The following RSPH14 variants were observed in gnomAD, a reference collection of about 807,000 sequenced individuals.
The protein encoded by RSPH14 is rhabdoid tumor deletion region gene 1.
Under a neutral mutation model 26.7 loss-of-function variants are expected in RSPH14, and 20 were observed. That is an observed-to-expected ratio of 0.75 (90% CI 0.53 to 1.09). RSPH14 has a LOEUF of 1.09. Ranked by LOEUF, RSPH14 falls within the 50% of genes least tolerant of loss-of-function variation. The probability of loss-of-function intolerance (pLI) is 0.00; values close to 1 mark genes in which losing one functional copy is unlikely to be tolerated. For missense variants in RSPH14, 449 were observed against 457.2 expected, an observed-to-expected ratio of 0.98 and a Z score of 0.16; for synonymous variants, 177 against 189.3, an observed-to-expected ratio of 0.93 and a Z score of 0.53.
Position 23,140,335 on chromosome 22 carries a change from G to C in RSPH14, c.86C>G (p.Pro29Arg). ...ITTAYGHRAL[P>R]KLKEELQSED... ...TGACTGCAGCTCCTCCTTCAGCTTG[G>C]GCAGGGCCCGATGGCCATAGGCAGT... Residue 29 changes from proline to arginine, a missense_variant, in exon 2 of 7, where the codon CCC (proline) becomes CGC (arginine). Transcript: ENST00000216036. 1 of 1,614,204 alleles carries C rather than the reference G, an allele frequency of 6.2e-7. No homozygotes were observed. The highest frequency in any genetic ancestry group is 1.1e-5 in the South Asian group (1 of 91,084).
chr22:23,085,374 G>A (rs964565084), intron 4 of RSPH14, among the ~76,000 whole-genome samples: 4 of 152,134 alleles, frequency 2.6e-5, no homozygotes, highest in Non-Finnish European at 5.9e-5. Context: ...CCCCAAGCAG[G>A]GCCACACACA....
intron 4 of RSPH14, among the ~76,000 whole-genome samples, chr22:23,096,697 T>G (rs2069136136): frequency 6.6e-6 from 1 of 152,208 alleles, no homozygotes; most frequent in Non-Finnish European, 1.5e-5. Flanking sequence ...TCAATCCATG[T>G]GATAGTTTGG....
In RSPH14 at chr22:23,136,682, G is replaced by A. The variant is rs1389074790; in HGVS notation, c.302+2158C>T. On this transcript the variant is annotated intron_variant, in intron 3 of 6. Coordinates refer to ENST00000216036, the MANE Select transcript of RSPH14 (RefSeq NM_014433.3). ...TACCACTACTTTTAATTGCAAAACTGCAATTACTTTTGCACTAACCTGATA... is the reference window on the plus strand; with the variant it reads ...TACCACTACTTTTAATTGCAAAACTACAATTACTTTTGCACTAACCTGATA... Among the ~76,000 whole-genome samples, 6 of 139,098 alleles carry A rather than the reference G, an allele frequency of 4.3e-5. 1 individual carries two copies. The highest frequency in any genetic ancestry group is 1.5e-4 in the African/African-American group (6 of 39,048). 91.3% of individuals were successfully genotyped at this position (139,098 alleles called of 152,430 possible). A position where few individuals can be genotyped will look rare whatever the true frequency, so the allele number is the denominator to read the frequency against.
chr22:23,172,819 A>G, the RSPH14 span, among the ~76,000 whole-genome samples: 43 of 143,660 alleles, frequency 3.0e-4, no homozygotes, highest in South Asian at 9.3e-4. Context: ...GTGTGGTGGC[A>G]GGCGCCTGTA....
intron 4 of RSPH14, among the ~76,000 whole-genome samples, chr22:23,115,518 G>A (rs2069802171): frequency 6.6e-6 from 1 of 152,172 alleles, no homozygotes; most frequent in African/African-American, 2.4e-5. Context: ...TCCTGGAGGG[G>A]GTCTCGGGTT....
chr22:23,064,253 C>A (rs2068155702), intron 4 of RSPH14, 120 bp from the exon 5 acceptor site: 5 of 850,908 alleles, frequency 5.9e-6, no homozygotes, highest in Admixed American at 2.2e-5. Context: ...GACAAAAGGA[C>A]TTGCAAGTGC....
the RSPH14 span, among the ~76,000 whole-genome samples, chr22:23,155,792 A>T: frequency 2.0e-5 from 3 of 152,332 alleles, no homozygotes; most frequent in South Asian, 6.2e-4. Flanking sequence ...CCCTAGGAAG[A>T]GATCATAAGG....
chr22:23,147,057 C>T (rs748857870), upstream of RSPH14, among the ~76,000 whole-genome samples: 2 of 152,180 alleles, frequency 1.3e-5, no homozygotes, highest in African/African-American at 2.4e-5. Context: ...TCATGGTATG[C>T]AGGAGCTCCC....
At chr22:23,116,765 C>T (rs927139097) in intron 4 of RSPH14, among the ~76,000 whole-genome samples, 2 of 152,316 alleles carry the variant, frequency 1.3e-5, no homozygotes, top group South Asian at 2.1e-4. Flanking sequence ...GCTGGAAAGC[C>T]GTGAGTGCCT....
chr22:23,165,137 T>C, the RSPH14 span, among the ~76,000 whole-genome samples: 5 of 152,130 alleles, frequency 3.3e-5, no homozygotes, highest in Admixed American at 1.3e-4. Flanking sequence ...CCTCATCACC[T>C]CTACTGTCTC....
intron 4 of RSPH14, among the ~76,000 whole-genome samples, chr22:23,076,023 G>A (rs952410408): frequency 1.3e-5 from 2 of 152,332 alleles, no homozygotes; most frequent in East Asian, 3.9e-4. Flanking sequence ...CATCTGGGCA[G>A]CATGGTCCCT....
chr22:23,157,840 C>T, the RSPH14 span: 2 of 1,525,652 alleles, frequency 1.3e-6, no homozygotes, highest in African/African-American at 2.8e-5. Flanking sequence ...TGGGGTGTTT[C>T]CTCCTCAGCC....
At chr22:23,079,648 G>T (rs964269040) in intron 4 of RSPH14, among the ~76,000 whole-genome samples, 8 of 152,196 alleles carry the variant, frequency 5.3e-5, no homozygotes, top group African/African-American at 1.9e-4. Flanking sequence ...TGCTGGTGGA[G>T]CACAGGGCAC....
chr22:23,090,990 T>C (rs1205826351), intron 4 of RSPH14, among the ~76,000 whole-genome samples: 2 of 152,174 alleles, frequency 1.3e-5, no homozygotes, highest in African/African-American at 4.8e-5. Flanking sequence ...TCTGCCCCAG[T>C]CGCCTCAGCC....
the RSPH14 span, chr22:23,156,107 C>G: frequency 7.9e-7 from 1 of 1,258,756 alleles, no homozygotes; most frequent in Non-Finnish European, 1.1e-6. Flanking sequence ...GTGGGAATCC[C>G]GAGTTCTCTG....
At chr22:23,111,456 C>T (rs2069656828) in intron 4 of RSPH14, among the ~76,000 whole-genome samples, 1 of 152,216 alleles carries the variant, frequency 6.6e-6, no homozygotes, top group African/African-American at 2.4e-5. Flanking sequence ...GTGTTGGGGC[C>T]TCTGGAAACG....
At chr22:23,106,832 G>T (rs1399578609) in intron 4 of RSPH14, among the ~76,000 whole-genome samples, 2 of 152,232 alleles carry the variant, frequency 1.3e-5, no homozygotes, top group African/African-American at 2.4e-5. Context: ...GGCAAAGTGG[G>T]GGCCTTCTGA....
At chr22:23,153,250 G>C in the RSPH14 span, 2 of 783,902 alleles carry the variant, frequency 2.6e-6, no homozygotes, top group Non-Finnish European at 4.3e-6. Context: ...GACAAGCAGA[G>C]CCTGGGGGTG....
the RSPH14 span, among the ~76,000 whole-genome samples, chr22:23,172,403 G>A: frequency 9.1e-5 from 13 of 142,714 alleles, no homozygotes; most frequent in African/African-American, 1.6e-4. Context: ...GTGACAGAGC[G>A]AGATTCTGTC....
Sources: allele counts gnomAD v4.1 joint callset (sites outside exome capture counted in the v4.1 genomes callset), GRCh38; gene constraint gnomAD v4.1.1; transcripts MANE v1.5; gene names NCBI Gene and HGNC (gene_info 2026-07-23, HGNC 2026-07-21).